Variants in ARHGAP24 observed in about 807,000 individuals in gnomAD.
ARHGAP24 encodes the protein Rho GTPase activating protein 24.
In ARHGAP24, 50 loss-of-function variants were observed where a neutral mutation model predicts 76.4. The ratio of observed to expected loss-of-function variants is 0.65; its 90% CI spans 0.52 to 0.83. The LOEUF (loss-of-function observed/expected upper bound fraction) is 0.83. ARHGAP24 is among the 40% of genes least tolerant of loss of function. The probability of loss-of-function intolerance (pLI) is 0.00; values close to 1 mark genes in which losing one functional copy is unlikely to be tolerated. For missense variants in ARHGAP24, 930 were observed against 914.2 expected, an observed-to-expected ratio of 1.02 and a Z score of -0.22; for synonymous variants, 345 against 323.3, an observed-to-expected ratio of 1.07 and a Z score of -0.72.
At chr4:85,678,359 G>T (rs973102379) in intron 2 of ARHGAP24, among the ~76,000 whole-genome samples, 4 of 152,154 alleles carry the variant, frequency 2.6e-5, no homozygotes, top group Admixed American at 6.5e-5. Flanking sequence ...GACAAAGCAA[G>T]ACTCTGTCTC....
chr4:85,733,893 G>A (rs888586974), intron 3 of ARHGAP24, among the ~76,000 whole-genome samples: 4 of 152,196 alleles, frequency 2.6e-5, no homozygotes, highest in Non-Finnish European at 4.4e-5. Context: ...GAAGTTCCTT[G>A]TATGTATTTT....
chr4:85,973,479 G>A (rs768204879), intron 6 of ARHGAP24, among the ~76,000 whole-genome samples: 5 of 152,084 alleles, frequency 3.3e-5, no homozygotes, highest in Non-Finnish European at 7.4e-5. Flanking sequence ...TCTGTGAGTT[G>A]TCTCTTCATT....
chr4:85,779,521 A>C (rs982465774), intron 3 of ARHGAP24, among the ~76,000 whole-genome samples: 4 of 152,122 alleles, frequency 2.6e-5, no homozygotes, highest in African/African-American at 9.7e-5. Context: ...TTTTGCCTCC[A>C]GTTTGCTTCT....
chr4:85,693,236 T>G (rs1350483176), intron 2 of ARHGAP24, among the ~76,000 whole-genome samples: 5 of 152,304 alleles, frequency 3.3e-5, no homozygotes, highest in African/African-American at 9.6e-5. Context: ...CATTTCCATG[T>G]CCACTCCTGG....
intron 8 of ARHGAP24, among the ~76,000 whole-genome samples, chr4:85,981,210 C>T (rs1648697653): frequency 6.6e-6 from 1 of 152,160 alleles, no homozygotes; most frequent in African/African-American, 2.4e-5. Context: ...GGACAACTGA[C>T]AAACTACAGT....
At chr4:85,726,295 C>A (rs2110047894) in intron 3 of ARHGAP24, among the ~76,000 whole-genome samples, 1 of 152,200 alleles carries the variant, frequency 6.6e-6, no homozygotes, top group Admixed American at 6.5e-5. Context: ...GTTTTATTTA[C>A]ATCTATCTAT....
chr4:85,594,433 C>T (rs916925340), intron 2 of ARHGAP24, among the ~76,000 whole-genome samples: 1 of 151,944 alleles, frequency 6.6e-6, no homozygotes, highest in Admixed American at 6.6e-5. Context: ...ATTTGGTCGC[C>T]CCTTATTTCT....
Position 85,932,793 on chromosome 4 carries a change from C to T in ARHGAP24, c.391+9023C>T, listed in dbSNP as rs1409074674. Among the ~76,000 whole-genome samples the T allele has an allele frequency of 3.9e-5, 6 of 152,190 alleles. No individual in the cohort carries two copies. The South Asian group carries it at 8.3e-4, about 21-fold the overall frequency. On this transcript the variant is annotated intron_variant, in intron 4 of 9. Transcript: ENST00000395184. ...GTGCAGGAAGCGTTCAGCGGTTTTACGCTTCCTTTCCATTCTCTGGAGCCC... is the reference window on the plus strand; with the variant it reads ...GTGCAGGAAGCGTTCAGCGGTTTTATGCTTCCTTTCCATTCTCTGGAGCCC...
intron 2 of ARHGAP24, among the ~76,000 whole-genome samples, chr4:85,710,546 C>G (rs2110034117): frequency 6.6e-6 from 1 of 152,132 alleles, no homozygotes; most frequent in East Asian, 1.9e-4. Flanking sequence ...AGAATGGGAG[C>G]AAAATTTGCA....
chr4:85,847,427 A>G (rs553469192), intron 3 of ARHGAP24, among the ~76,000 whole-genome samples: 2 of 152,230 alleles, frequency 1.3e-5, no homozygotes, highest in Non-Finnish European at 2.9e-5. Flanking sequence ...TGCTTAATAA[A>G]GTAAATATAA....
intron 1 of ARHGAP24, among the ~76,000 whole-genome samples, chr4:85,494,240 C>G (rs907456980): frequency 1.6e-4 from 24 of 151,926 alleles, no homozygotes; most frequent in Admixed American, 4.6e-4. Context: ...TGGTGATTTG[C>G]TGCACCTACT....
In ARHGAP24 at chr4:85,845,420, G is replaced by A. The variant is rs553010043; in HGVS notation, c.269-78228G>A. On this transcript the variant is annotated intron_variant, in intron 3 of 9. Transcript: ENST00000395184. ...GCGCTTGTTCAAAGTTACATAGCTA[G>A]TAAGTAGCAGTGTCTCATCCTAACT... Among the ~76,000 whole-genome samples, 9 of 152,272 alleles carry A rather than the reference G, an allele frequency of 5.9e-5. No homozygotes were observed. The East Asian group carries it at 1.7e-3, about 29-fold the overall frequency.
intron 1 of ARHGAP24, among the ~76,000 whole-genome samples, chr4:85,489,266 GGTGA>G (rs1396741131): frequency 6.6e-6 from 1 of 152,236 alleles, no homozygotes; most frequent in Non-Finnish European, 1.5e-5. Context: ...AATCACTGAA[GGTGA>G]GTGAGAGAAT....
intron 3 of ARHGAP24, among the ~76,000 whole-genome samples, chr4:85,724,437 C>T (rs891754456): frequency 3.4e-5 from 5 of 149,218 alleles, no homozygotes; most frequent in African/African-American, 7.5e-5. Flanking sequence ...GTGTGTGTTA[C>T]GAATACAGTT....
chr4:85,627,974 T>C (rs1309280668), intron 2 of ARHGAP24, among the ~76,000 whole-genome samples: 1 of 152,188 alleles, frequency 6.6e-6, no homozygotes, highest in Non-Finnish European at 1.5e-5. Flanking sequence ...GTGCCGTCTA[T>C]CACCCCTGTC....
At chr4:85,538,901 T>C (rs1268363074) in intron 1 of ARHGAP24, among the ~76,000 whole-genome samples, 1 of 152,214 alleles carries the variant, frequency 6.6e-6, no homozygotes, top group Non-Finnish European at 1.5e-5. Flanking sequence ...ATTGTAAATA[T>C]TGGCATTCCA....
chr4:85,682,688 G>A (rs978558657), intron 2 of ARHGAP24, among the ~76,000 whole-genome samples: 8 of 152,162 alleles, frequency 5.3e-5, no homozygotes, highest in East Asian at 1.9e-4. Context: ...CACTTTATGC[G>A]GTTCTTTGCA....
At chr4:85,838,125 A>T (rs1200139708) in intron 3 of ARHGAP24, among the ~76,000 whole-genome samples, 2 of 152,174 alleles carry the variant, frequency 1.3e-5, no homozygotes, top group East Asian at 1.9e-4. Context: ...AATTCTCACA[A>T]CAATGCTATA....
chr4:85,694,131 G>A (rs999255452), intron 2 of ARHGAP24, among the ~76,000 whole-genome samples: 6 of 151,802 alleles, frequency 4.0e-5, no homozygotes, highest in African/African-American at 9.7e-5. Context: ...TAGCATTTTC[G>A]TTATGAAAAT....
Sources: allele counts gnomAD v4.1 joint callset (sites outside exome capture counted in the v4.1 genomes callset), GRCh38; gene constraint gnomAD v4.1.1; transcripts MANE v1.5; gene names NCBI Gene and HGNC (gene_info 2026-07-23, HGNC 2026-07-21).